Variants in GOT2 observed in about 807,000 individuals in gnomAD.
GOT2 encodes the protein aspartate aminotransferase, mitochondrial.
In GOT2, 17 loss-of-function variants were observed where a neutral mutation model predicts 50.0. The observed-to-expected ratio is 0.34, with a 90% CI of 0.23 to 0.51. The LOEUF is 0.51. Ranked by LOEUF, GOT2 falls within the 20% of genes least tolerant of loss-of-function variation. The probability of loss-of-function intolerance (pLI) is 0.97; values close to 1 mark genes in which losing one functional copy is unlikely to be tolerated. For missense variants in GOT2, 430 were observed against 559.6 expected (o/e 0.77, Z 2.34); for synonymous variants, 172 against 204.9 (o/e 0.84, Z 1.37).
intron 1 of GOT2, among the ~76,000 whole-genome samples, chr16:58,730,242 A>T (rs7186105): frequency 6.6e-6 from 1 of 152,002 alleles, no homozygotes; most frequent in African/African-American, 2.4e-5. Flanking sequence ...GTACATGTGC[A>T]TGTCCTGGGG....
chr16:58,709,377 T>C (rs369178010), intron 9 of GOT2, 40 bp downstream of exon 9: 3 of 1,523,136 alleles, frequency 2.0e-6, no homozygotes, highest in East Asian at 2.3e-5. Context: ...TTGCAAAGAC[T>C]GATCAGCTGG....
intron 8 of GOT2, among the ~76,000 whole-genome samples, chr16:58,711,757 A>G (rs2044650704): frequency 6.6e-6 from 1 of 152,154 alleles, no homozygotes; most frequent in African/African-American, 2.4e-5. Context: ...TACAGTTTCC[A>G]TCGTCCAGCT....
At chr16:58,716,234 C>A in intron 7 of GOT2, 55 bp from the exon 8 acceptor site, 1 of 1,510,638 alleles carries the variant, frequency 6.6e-7, no homozygotes, top group East Asian at 2.3e-5. Context: ...TGTGCTAAAG[C>A]AAATCATGAG....
intron 8 of GOT2, among the ~76,000 whole-genome samples, chr16:58,710,795 G>A (rs1167574393): frequency 1.7e-5 from 1 of 60,040 alleles, no homozygotes; most frequent in Non-Finnish European, 4.7e-5. Context: ...GTGAAACCCC[G>A]TCTCTAATAA....
chr16:58,731,886 G>A (rs1178475583), intron 1 of GOT2, among the ~76,000 whole-genome samples: 1 of 152,236 alleles, frequency 6.6e-6, no homozygotes, highest in Admixed American at 6.5e-5. Context: ...GCTAGGTAAA[G>A]ATCACTTCCA....
chr16:58,731,131 C>T (rs1023790185), intron 1 of GOT2, among the ~76,000 whole-genome samples: 1 of 152,122 alleles, frequency 6.6e-6, no homozygotes, highest in Non-Finnish European at 1.5e-5. Context: ...GACAATAGCA[C>T]AGCTGTGATC....
chr16:58,714,372 G>A (rs1420230554), intron 8 of GOT2, among the ~76,000 whole-genome samples: 1 of 152,008 alleles, frequency 6.6e-6, no homozygotes, highest in African/African-American at 2.4e-5. Context: ...CCAACATGGC[G>A]AAACCCCGTC....
At chr16:58,709,350 A>G (rs1369277625) in intron 9 of GOT2, 67 bp downstream of exon 9, 1 of 1,258,474 alleles carries the variant, frequency 7.9e-7, no homozygotes, top group Non-Finnish European at 1.1e-6. Context: ...AAAAGAAAAA[A>G]AAGTAATCCT....
rs150034734 is a variant in GOT2, at chr16:58,727,840, T to C, written c.90-3938A>G. The stretch of plus-strand genomic sequence containing the variant: ...ACGGTGAGAAGGAGCTGGGGGTTGT[T>C]GCAGGAGAATCGCTCAAGTTCTCCT... On this transcript the variant is annotated intron_variant, in intron 1 of 9. Transcript: ENST00000245206. 1.8e-3 allele frequency among the ~76,000 whole-genome samples: 275 copies of C among 152,270 alleles called. 1 individual carries two copies. The highest frequency in any genetic ancestry group is 6.5e-3 in the African/African-American group (271 of 41,546).
At chr16:58,710,967 CAAAAAA>C (rs35679170) in intron 8 of GOT2, among the ~76,000 whole-genome samples, 24 of 73,038 alleles carry the variant, frequency 3.3e-4, no homozygotes, top group Non-Finnish European at 4.6e-4. Flanking sequence ...GACTCTGTCT[CAAAAAA>C]AAAAAAAAAA....
Position 58,708,060 on chromosome 16 carries a change from A to AC in GOT2, c.*110_*111insG. The AC allele has an allele frequency of 9.5e-7, 1 of 1,056,800 alleles. No individual in the cohort carries two copies. Among genetic ancestry groups the AC allele is most frequent in the South Asian group, 1.5e-5 (1 of 64,598 alleles). 65.5% of individuals were successfully genotyped at this position (1,056,800 alleles called of 1,614,324 possible). ...TGCTGAGTGTTACACACTGTGGCTG[A>AC]AAGAAATGATCCACTCACCACCATC... is the stretch of plus-strand genomic sequence containing the variant. On this transcript the variant is annotated 3_prime_UTR_variant, in exon 10 of 10. Transcript: ENST00000245206.
intron 3 of GOT2, chr16:58,721,870 T>C (rs560578922): frequency 5.1e-5 from 11 of 216,454 alleles, no homozygotes; most frequent in Admixed American, 1.1e-4. Flanking sequence ...AACCTCTGCC[T>C]TCCAGGTTCA....
At chr16:58,719,102 A>T (rs918289520) in intron 4 of GOT2, 94 bp downstream of exon 4, 3 of 907,628 alleles carry the variant, frequency 3.3e-6, no homozygotes, top group Non-Finnish European at 3.7e-6. Context: ...GAAAGAAGAA[A>T]TCTACTTCTG....
At chr16:58,714,421 G>A (rs1024505994) in intron 8 of GOT2, among the ~76,000 whole-genome samples, 6 of 151,700 alleles carry the variant, frequency 4.0e-5, no homozygotes, top group Non-Finnish European at 7.4e-5. Context: ...GCGTAGTGGC[G>A]GGCGCCTGTA....
chr16:58,718,516 G>A lies in GOT2; in HGVS notation c.597+11C>T, dbSNP rs1178778042. 1 of 1,565,046 alleles carries A rather than the reference G, an allele frequency of 6.4e-7. No individual in the cohort carries two copies. Among genetic ancestry groups the A allele is most frequent in the South Asian group, 1.2e-5 (1 of 83,128 alleles). ...TTTATTCACCTCTCTCACCCTGAAAGCCACACTTACTGAAATATCCTCCAC... is the reference window on the plus strand; with the variant it reads ...TTTATTCACCTCTCTCACCCTGAAAACCACACTTACTGAAATATCCTCCAC... On this transcript the variant is annotated intron_variant, in intron 5 of 9. Transcript: ENST00000245206.
intron 9 of GOT2, 110 bp downstream of exon 9, chr16:58,709,307 A>T: frequency 1.0e-6 from 1 of 986,940 alleles, no homozygotes; most frequent in Non-Finnish European, 1.5e-6. Flanking sequence ...ACAAAACAAA[A>T]CAAAAAACCC....
At chr16:58,732,115 G>A (rs980655372) in intron 1 of GOT2, among the ~76,000 whole-genome samples, 1 of 152,190 alleles carries the variant, frequency 6.6e-6, no homozygotes, top group Admixed American at 6.5e-5. Flanking sequence ...AGGAGTCTGA[G>A]ACCAACACAG....
intron 8 of GOT2, among the ~76,000 whole-genome samples, chr16:58,715,706 C>A (rs1175114871): frequency 1.3e-5 from 2 of 152,188 alleles, no homozygotes; most frequent in African/African-American, 4.8e-5. Context: ...GCATGCACCA[C>A]CACATCCGGC....
At chr16:58,725,112 C>CTTTT (rs34912264) in intron 1 of GOT2, among the ~76,000 whole-genome samples, 26 of 145,512 alleles carry the variant, frequency 1.8e-4, no homozygotes, top group African/African-American at 6.1e-4. Flanking sequence ...TTCTTTCTTT[C>CTTTT]TTTTTTTTTT....
Sources: allele counts gnomAD v4.1 joint callset (sites outside exome capture counted in the v4.1 genomes callset), GRCh38; gene constraint gnomAD v4.1.1; transcripts MANE v1.5; gene names NCBI Gene and HGNC (gene_info 2026-07-23, HGNC 2026-07-21).